MYO18A: variants seen among roughly 807,000 people sequenced by gnomAD.
MYO18A encodes the protein unconventional myosin-XVIIIa.
MYO18A carries 78 observed loss-of-function variants against 235.8 expected under a neutral mutation model. The ratio of observed to expected loss-of-function variants is 0.33; its 90% CI spans 0.28 to 0.40. The LOEUF (loss-of-function observed/expected upper bound fraction) is 0.40, where lower values mean the gene tolerates loss of function less well. Ranked by LOEUF, MYO18A falls within the 10% of genes least tolerant of loss-of-function variation. The probability of loss-of-function intolerance (pLI) is 1.00; values close to 1 mark genes in which losing one functional copy is unlikely to be tolerated. For synonymous variants in MYO18A, 977 were observed against 1,077.8 expected (o/e 0.91, Z 1.83); for missense variants, 2,215 against 2,699.3 (o/e 0.82, Z 3.98).
intron 14 of MYO18A, chr17:29,114,350 G>A: frequency 2.1e-6 from 1 of 477,192 alleles, no homozygotes; most frequent in East Asian, 4.0e-5. Flanking sequence ...AGTTGATTAG[G>A]CAACACAGAA....
At chr17:29,098,476 C>T in intron 23 of MYO18A, 31 bp from the exon 24 acceptor site, 1 of 1,612,100 alleles carries the variant, frequency 6.2e-7, no homozygotes, top group Non-Finnish European at 8.5e-7. Flanking sequence ...CAAAGTGAGC[C>T]AAAGGCACTG....
rs1401690172 is a variant in MYO18A, at chr17:29,117,020, C to T, written c.2039-565G>A. ...TCTTGGGGTCGCTCGCATGGAGCCT[C>T]ACGCCTGGGCACCCATTCCTCCATA... On this transcript the variant is annotated intron_variant, in intron 10 of 41. Transcript: ENST00000527372. The surrounding 1 kb of genome is among the most constrained non-coding windows in gnomAD (Gnocchi z 4.6). 6.6e-6 allele frequency among the ~76,000 whole-genome samples: 1 copy of T among 152,034 alleles called. No individual in the cohort carries two copies. The highest frequency in any genetic ancestry group is 1.5e-5 in the Non-Finnish European group (1 of 68,000).
Position 29,073,101 on chromosome 17 carries a change from G to C in MYO18A, c.*1669C>G, listed in dbSNP as rs1371944238. The C allele has an allele frequency of 6.6e-6, 1 of 150,948 alleles. No individual in the cohort carries two copies. Among genetic ancestry groups the C allele is most frequent in the Non-Finnish European group, 1.5e-5 (1 of 67,924 alleles). 9.4% of individuals were successfully genotyped at this position (150,948 alleles called of 1,614,324 possible). A position where few individuals can be genotyped will look rare whatever the true frequency, so the allele number is the denominator to read the frequency against. On this transcript the variant is annotated 3_prime_UTR_variant, in exon 42 of 42. Transcript: ENST00000527372. ...AAAGAGAATGAAAGAAAGAAAGAGA[G>C]AGAGAGAGGGAGAGAGGGAGGGACG...
At chr17:29,131,293 A>ACACACACACG (rs1491223482) in intron 2 of MYO18A, 6 of 745,066 alleles carry the variant, frequency 8.1e-6, no homozygotes, top group Middle Eastern at 6.7e-4. Flanking sequence ...GCAGGGGCAA[A>ACACACACACG]CACACACACG....
In MYO18A at chr17:29,121,113, C is replaced by T. The variant is rs61166295; in HGVS notation, c.1470G>A (p.Gln490=). 2.0e-4 allele frequency: 326 copies of T among 1,611,930 alleles called. 2 individuals carry two copies. The East Asian group carries it at 7.2e-3, about 36-fold the overall frequency. The change falls in exon 6 of 42, where the codon CAG becomes CAA. Residue 490 remains glutamine (Q), a synonymous_variant. Coordinates refer to ENST00000527372, the MANE Select transcript of MYO18A (RefSeq NM_078471.4). This position sits in a 1 kb window ranked among gnomAD's most constrained non-coding sequence, Gnocchi z 4.2. The stretch of plus-strand genomic sequence containing the variant: ...TGCCCAGGAGGATGATTGACTGATC[C>T]TGACGGCTCATCAGCATCGCCCTGT... ...TAYRAMLMSR[Q]DQSIILLGSS... is the part of the protein sequence containing the mutation.
intron 28 of MYO18A, among the ~76,000 whole-genome samples, chr17:29,095,349 G>A (rs2066495860): frequency 6.6e-6 from 1 of 152,214 alleles, no homozygotes. Context: ...CAGGAGTTAA[G>A]TCTCTACATT....
chr17:29,170,015 G>A (rs886934296), intron 1 of MYO18A, among the ~76,000 whole-genome samples: 2 of 152,206 alleles, frequency 1.3e-5, no homozygotes, highest in Non-Finnish European at 2.9e-5. Flanking sequence ...GCGCTGGCCA[G>A]AAGTTTCAGG....
At position 29,089,140 on chromosome 17, in the gene MYO18A, T is replaced by A. The variant is rs181444928; in HGVS notation, c.5526+821A>T. 8.6e-5 allele frequency among the ~76,000 whole-genome samples: 13 copies of A among 150,798 alleles called. No individual in the cohort carries two copies. In the East Asian group the frequency reaches 2.5e-3, roughly 30 times the overall value. The stretch of plus-strand genomic sequence containing the variant: ...AGAGGGTAAGAAAGAGAAATAAGAT[T>A]GGAGAGAGGAAAAAATATAAAATAT... On this transcript the variant is annotated intron_variant, in intron 37 of 41. Transcript: ENST00000527372.
intron 19 of MYO18A, among the ~76,000 whole-genome samples, chr17:29,108,492 A>C (rs901781851): frequency 1.3e-5 from 2 of 152,190 alleles, no homozygotes; most frequent in African/African-American, 4.8e-5. Flanking sequence ...TCTTTCAGAC[A>C]CAGAAACGGA....
At chr17:29,173,892 C>T (rs542120250) in intron 1 of MYO18A, among the ~76,000 whole-genome samples, 2 of 152,302 alleles carry the variant, frequency 1.3e-5, no homozygotes, top group African/African-American at 4.8e-5. Flanking sequence ...CTGTCTTAGC[C>T]TCCTGAGTAG....
In MYO18A at chr17:29,120,021, G is replaced by A. The variant is rs945432621; in HGVS notation, c.1729-586C>T. ...CTCCCAAGTAGCTGGGACCACAGGC[G>A]TGCACTACCACATCTGGCTCAATTA... is the stretch of plus-strand genomic sequence containing the variant. On this transcript the variant is annotated intron_variant, in intron 7 of 41. Coordinates refer to ENST00000527372, the MANE Select transcript of MYO18A (RefSeq NM_078471.4). The surrounding 1 kb of genome is among the most constrained non-coding windows in gnomAD (Gnocchi z 4.2). Among the ~76,000 whole-genome samples, 7 of 152,110 alleles carry A rather than the reference G, an allele frequency of 4.6e-5. No homozygotes were observed. Among genetic ancestry groups the A allele is most frequent in the African/African-American group, 1.2e-4 (5 of 41,392 alleles).
intron 2 of MYO18A, among the ~76,000 whole-genome samples, chr17:29,139,730 T>C (rs754873767): frequency 2.6e-5 from 4 of 152,078 alleles, no homozygotes; most frequent in Non-Finnish European, 4.4e-5. Flanking sequence ...AAAAGAGACT[T>C]AGGGCCAGTC....
intron 23 of MYO18A, 45 bp downstream of exon 23, chr17:29,098,781 G>A (rs368496083): frequency 8.5e-5 from 137 of 1,609,412 alleles, no homozygotes; most frequent in Non-Finnish European, 1.1e-4. Context: ...AACCAGCAAG[G>A]CTTCCCCCTA....
rs1434257185 is a variant in MYO18A at position 29,122,237 on chromosome 17, T to C, written c.1016A>G (p.Gln339Arg). The change falls in exon 3 of 42, where the codon CAG becomes CGG. Residue 339 changes from glutamine (Q) to arginine (R), a missense_variant. Coordinates refer to ENST00000527372, the MANE Select transcript of MYO18A (RefSeq NM_078471.4). The part of the protein sequence containing the change: ...REPSDAKTEE[Q>R]IAAEEAWNET... ...ATTCCAGGCCTCTTCTGCTGCAATC[T>C]GTTCTTCTGTTTTCGCCTGTCAGAG... The C allele has an allele frequency of 3.1e-6, 5 of 1,613,068 alleles. No homozygotes were observed. Among genetic ancestry groups the C allele is most frequent in the Non-Finnish European group, 4.2e-6 (5 of 1,179,526 alleles).
At chr17:29,133,765 G>A in intron 2 of MYO18A, 1 of 1,285,274 alleles carries the variant, frequency 7.8e-7, no homozygotes, top group African/African-American at 1.5e-5. Flanking sequence ...CAAGCACACA[G>A]GAAAAACATA....
intron 1 of MYO18A, among the ~76,000 whole-genome samples, chr17:29,175,363 T>C (rs1374376434): frequency 1.4e-5 from 2 of 147,832 alleles, no homozygotes; most frequent in Non-Finnish European, 3.0e-5. Flanking sequence ...TTTTATTTCA[T>C]CTTTTTTTTT....
chr17:29,141,281 G>A (rs557409804), intron 2 of MYO18A, among the ~76,000 whole-genome samples: 4 of 152,280 alleles, frequency 2.6e-5, no homozygotes, highest in Admixed American at 1.3e-4. Context: ...TTAGCACCAT[G>A]GGATGCCTAG....
Position 29,103,677 on chromosome 17 carries a change from G to C in MYO18A, c.3442-13C>G. On this transcript the variant is annotated splice_polypyrimidine_tract_variant and intron_variant, in intron 20 of 41. Coordinates refer to ENST00000527372, the MANE Select transcript of MYO18A (RefSeq NM_078471.4). The stretch of plus-strand genomic sequence containing the variant: ...GCTCCTCCACTGCCTGTGGAGAGAG[G>C]CCTCTGTCAGGCAGCCCGCCTGGGC... 6.2e-7 allele frequency: 1 copy of C among 1,613,462 alleles called. No individual in the cohort carries two copies. The highest frequency in any genetic ancestry group is 1.1e-5 in the South Asian group (1 of 91,078).
intron 14 of MYO18A, 46 bp downstream of exon 14, chr17:29,114,861 C>T (rs2067018265): frequency 6.3e-7 from 1 of 1,575,510 alleles, no homozygotes; most frequent in Non-Finnish European, 8.6e-7. Flanking sequence ...CTGTGGGTGC[C>T]AAGGCCAGAA....
Sources: allele counts gnomAD v4.1 joint callset (sites outside exome capture counted in the v4.1 genomes callset), GRCh38; gene constraint gnomAD v4.1.1; non-coding constraint Gnocchi (gnomAD v3.1); transcripts MANE v1.5; gene names NCBI Gene and HGNC (gene_info 2026-07-23, HGNC 2026-07-21).